Variants in OXR1 observed in about 807,000 individuals in gnomAD.
OXR1 encodes oxidation resistance 1, also known as oxidation resistance protein 1.
A neutral mutation model predicts 104.6 loss-of-function variants in OXR1; 41 were observed. The observed-to-expected ratio is 0.39, with a 90% CI of 0.31 to 0.51. OXR1 has a LOEUF of 0.51. OXR1 is among the 20% of genes least tolerant of loss of function. OXR1 has a pLI of 0.77. For missense variants in OXR1, 955 were observed against 1,031.9 expected (o/e 0.93, Z 1.02); for synonymous variants, 348 against 348.4 (o/e 1.00, Z 0.01).
chr8:106,430,983 G>T (rs1391110427), intron 2 of OXR1, among the ~76,000 whole-genome samples: 1 of 152,132 alleles, frequency 6.6e-6, no homozygotes, highest in Non-Finnish European at 1.5e-5. Context: ...GTATTTGGGA[G>T]AATTGATGCT....
intron 3 of OXR1, among the ~76,000 whole-genome samples, chr8:106,575,322 A>G (rs757502767): frequency 1.3e-4 from 20 of 152,168 alleles, no homozygotes; most frequent in Non-Finnish European, 2.9e-4. Context: ...TCACTTTCCA[A>G]AAAGTGTTGT....
At chr8:106,412,780 A>C (rs1818510997) in intron 2 of OXR1, among the ~76,000 whole-genome samples, 1 of 152,032 alleles carries the variant, frequency 6.6e-6, no homozygotes, top group Non-Finnish European at 1.5e-5. Flanking sequence ...TATTTTCCAA[A>C]GGTTTTATAA....
In OXR1 at chr8:106,740,142, C is replaced by G; in HGVS notation, c.2164-201C>G. 4 of 461,120 alleles carry G rather than the reference C, an allele frequency of 8.7e-6. No individual in the cohort carries two copies. The South Asian group carries it at 1.5e-4, about 18-fold the overall frequency. 28.6% of individuals were successfully genotyped at this position (461,120 alleles called of 1,614,324 possible). On this transcript the variant is annotated intron_variant, in intron 13 of 16. Coordinates refer to ENST00000517566, the MANE Select transcript of OXR1 (RefSeq NM_001198533.2). Reference sequence around the variant, plus strand: ...TGGTTCAGGGTGATTCTTTATTTTCCTAATAGACAATTAATATTTTATTCT... The same window carrying G: ...TGGTTCAGGGTGATTCTTTATTTTCGTAATAGACAATTAATATTTTATTCT...
At chr8:106,477,170 G>A (rs1288713392) in intron 2 of OXR1, among the ~76,000 whole-genome samples, 1 of 151,868 alleles carries the variant, frequency 6.6e-6, no homozygotes, top group African/African-American at 2.4e-5. Context: ...CTTTATATGG[G>A]TCCTGTGGTG....
chr8:106,401,397 T>A (rs567196068), intron 2 of OXR1, among the ~76,000 whole-genome samples: 9 of 152,280 alleles, frequency 5.9e-5, no homozygotes, highest in African/African-American at 1.7e-4. Context: ...GGTAACTGTT[T>A]CTCAAAAACA....
intron 3 of OXR1, among the ~76,000 whole-genome samples, chr8:106,608,938 A>G (rs924598667): frequency 2.6e-5 from 4 of 152,140 alleles, no homozygotes; most frequent in South Asian, 2.1e-4. Context: ...ATTTTTTAGT[A>G]TTTGAATTCT....
chr8:106,608,254 G>A (rs562338223), intron 3 of OXR1, among the ~76,000 whole-genome samples: 1 of 152,162 alleles, frequency 6.6e-6, no homozygotes, highest in Non-Finnish European at 1.5e-5. Flanking sequence ...TGCATCACTA[G>A]ACTCCAGCCT....
At chr8:106,715,677 C>CGGTGGATG (rs1362718122) in intron 11 of OXR1, among the ~76,000 whole-genome samples, 9 of 151,888 alleles carry the variant, frequency 5.9e-5, no homozygotes, top group Non-Finnish European at 1.2e-4. Flanking sequence ...TTGGGTGGCA[C>CGGTGGATG]GGTGGATGGC....
chr8:106,724,184 G>A (rs1833114352), intron 11 of OXR1, among the ~76,000 whole-genome samples: 3 of 152,112 alleles, frequency 2.0e-5, no homozygotes, highest in South Asian at 2.1e-4. Flanking sequence ...ACTTCAGTTC[G>A]AATAAAGTAA....
intron 2 of OXR1, among the ~76,000 whole-genome samples, chr8:106,444,716 A>G (rs1164938215): frequency 6.6e-6 from 1 of 152,020 alleles, no homozygotes; most frequent in Non-Finnish European, 1.5e-5. Context: ...AGGAACTTAG[A>G]GGACGGATCA....
chr8:106,339,778 A>G (rs892155575), intron 1 of OXR1, among the ~76,000 whole-genome samples: 3 of 151,694 alleles, frequency 2.0e-5, no homozygotes, highest in African/African-American at 7.3e-5. Context: ...TAGATCATAA[A>G]TTCGTTAGTA....
chr8:106,544,352 G>A (rs1815186335), intron 3 of OXR1, among the ~76,000 whole-genome samples: 1 of 151,974 alleles, frequency 6.6e-6, no homozygotes, highest in South Asian at 2.1e-4. Flanking sequence ...GCCTGTATGA[G>A]CATTTTTGTT....
chr8:106,523,555 A>G (rs1175729969), intron 3 of OXR1, among the ~76,000 whole-genome samples: 1 of 152,142 alleles, frequency 6.6e-6, no homozygotes, highest in Non-Finnish European at 1.5e-5. Flanking sequence ...ATTCTATTTC[A>G]TTTTTTTAAA....
chr8:106,727,429 T>C (rs981328541), intron 11 of OXR1, among the ~76,000 whole-genome samples: 5 of 152,138 alleles, frequency 3.3e-5, no homozygotes, highest in African/African-American at 1.2e-4. Flanking sequence ...ATTTTTATTT[T>C]TATTTTTGAG....
chr8:106,422,171 C>A (rs551299006), intron 2 of OXR1, among the ~76,000 whole-genome samples: 1 of 152,120 alleles, frequency 6.6e-6, no homozygotes, highest in Non-Finnish European at 1.5e-5. Flanking sequence ...CATAGGACAT[C>A]GCAGTGGAGA....
At chr8:106,286,288 A>G (rs1161489250) in intron 1 of OXR1, among the ~76,000 whole-genome samples, 7 of 148,686 alleles carry the variant, frequency 4.7e-5, no homozygotes, top group Admixed American at 4.6e-4. Flanking sequence ...TAATCCCACC[A>G]CACCTGCAGC....
chr8:106,447,790 C>T (rs1820074444), intron 2 of OXR1: 1 of 857,980 alleles, frequency 1.2e-6, no homozygotes, highest in African/African-American at 1.7e-5. Context: ...TCGTTGTACA[C>T]ACCGAACGGC....
intron 2 of OXR1, among the ~76,000 whole-genome samples, chr8:106,452,093 CCAT>C (rs1384961789): frequency 6.6e-6 from 1 of 152,164 alleles, no homozygotes; most frequent in African/African-American, 2.4e-5. Flanking sequence ...GCTCCTAACT[CCAT>C]CTGCATTTGG....
chr8:106,537,391 G>A (rs1008451227), intron 3 of OXR1, among the ~76,000 whole-genome samples: 1 of 152,126 alleles, frequency 6.6e-6, no homozygotes, highest in Non-Finnish European at 1.5e-5. Context: ...ATGTCCCAAG[G>A]CAAGTGCAAA....
Sources: gnomAD v4.1 joint callset for allele counts (sites outside exome capture counted in the v4.1 genomes callset) on GRCh38, gnomAD v4.1.1 for gene constraint, MANE v1.5 for transcripts, NCBI Gene and HGNC (gene_info 2026-07-23, HGNC 2026-07-21) for gene names.